The following DHRSX variants were observed in gnomAD, a reference collection of about 807,000 sequenced individuals.
DHRSX encodes polyprenol dehydrogenase.
Under a neutral mutation model 34.0 loss-of-function variants are expected in DHRSX, and 31 were observed. The observed-to-expected ratio is 0.91, with a 90% confidence interval of 0.69 to 1.23. The LOEUF (loss-of-function observed/expected upper bound fraction) is 1.23. DHRSX is among the 50% of genes most tolerant of loss of function. DHRSX has a pLI of 0.00. For synonymous variants in DHRSX, 201 were observed against 183.8 expected (o/e 1.09, Z -0.76); for missense variants, 414 against 428.1 (o/e 0.97, Z 0.29).
intron 3 of DHRSX, among the ~76,000 whole-genome samples, chrX:2,403,277 T>C (rs914224657): frequency 6.6e-6 from 1 of 152,160 alleles, no homozygotes; most frequent in African/African-American, 2.4e-5. Context: ...CTATCTAAAG[T>C]ATATTTTTGT....
At chrX:2,498,930 CCTT>C (rs1352803712) in intron 1 of DHRSX, among the ~76,000 whole-genome samples, 5 of 152,148 alleles carry the variant, frequency 3.3e-5, no homozygotes, top group African/African-American at 9.7e-5. Flanking sequence ...CCTTTACTCT[CCTT>C]CTTCTATGCA....
Position 2,243,215 on chromosome X carries a change from G to A in DHRSX, c.612C>T (p.Pro204=). ...DDLQSSACYS[P]HAAYAQSKLA... ...GCTTGCTCTGGGCGTAGGCTGCGTGGGGTGAGTAGCAGGCACTGTGGGGCA... is the reference window on the plus strand; with the variant it reads ...GCTTGCTCTGGGCGTAGGCTGCGTGAGGTGAGTAGCAGGCACTGTGGGGCA... Residue 204 remains proline, a synonymous_variant, in exon 6 of 7, where the codon CCC becomes CCT. Transcript: ENST00000334651. The A allele has an allele frequency of 2.5e-6, 4 of 1,613,746 alleles. No homozygotes were observed. The highest frequency in any genetic ancestry group is 3.4e-6 in the Non-Finnish European group (4 of 1,179,852).
intron 3 of DHRSX, among the ~76,000 whole-genome samples, chrX:2,292,578 T>C (rs912768010): frequency 7.0e-6 from 1 of 143,398 alleles, no homozygotes; most frequent in Non-Finnish European, 1.5e-5. Flanking sequence ...TAGAGGAATA[T>C]AGAATATAGA....
chrX:2,315,693 G>A (rs746390915), intron 3 of DHRSX, among the ~76,000 whole-genome samples: 24 of 152,236 alleles, frequency 1.6e-4, no homozygotes, highest in African/African-American at 5.1e-4. Flanking sequence ...AGTTCTGTAA[G>A]TCAGAAGATT....
intron 3 of DHRSX, among the ~76,000 whole-genome samples, chrX:2,347,878 G>T (rs1005156815): frequency 6.6e-6 from 1 of 152,178 alleles, no homozygotes; most frequent in Non-Finnish European, 1.5e-5. Context: ...CAGTTAGACT[G>T]TAGGCTCCCT....
rs145250507 is a variant in DHRSX at position 2,340,316 on chromosome X, G to A, written c.287-48713C>T. Among the ~76,000 whole-genome samples the A allele has an allele frequency of 3.4e-3, 520 of 152,048 alleles. 3 individuals are homozygous for A. The highest frequency in any genetic ancestry group is 3.6e-3 in the Non-Finnish European group (244 of 67,996). ...AACAAAAACTGCACGTCCTGCACAT[G>A]TACCCCAGAACTTAAAGTATAATAA... On this transcript the variant is annotated intron_variant, in intron 3 of 6. Coordinates refer to ENST00000334651, the MANE Select transcript of DHRSX (RefSeq NM_145177.3).
intron 3 of DHRSX, among the ~76,000 whole-genome samples, chrX:2,315,119 T>C (rs766294645): frequency 1.3e-5 from 2 of 150,560 alleles, no homozygotes; most frequent in South Asian, 2.1e-4. Flanking sequence ...GATCACGCCA[T>C]AGCACTCCAG....
intron 2 of DHRSX, among the ~76,000 whole-genome samples, chrX:2,413,519 CA>C (rs1257920525): frequency 6.6e-6 from 1 of 152,088 alleles, no homozygotes; most frequent in Non-Finnish European, 1.5e-5. Flanking sequence ...AAACATATAT[CA>C]AAACCACATT....
intron 1 of DHRSX, among the ~76,000 whole-genome samples, chrX:2,469,356 A>C (rs1209291290): frequency 9.0e-5 from 12 of 133,016 alleles, no homozygotes; most frequent in African/African-American, 3.1e-4. Context: ...CGTTCCCTAA[A>C]AATGCAGCCA....
rs1028361800 is a variant in DHRSX at position 2,401,181 on chromosome X, C to G, written c.286+7564G>C. ...CCGGAGTGCAGTGGCATGATCTCGG[C>G]TCACCGCAAACCTCCGCCTCCCGGG... On this transcript the variant is annotated intron_variant, in intron 3 of 6. Coordinates refer to ENST00000334651, the MANE Select transcript of DHRSX (RefSeq NM_145177.3). Among the ~76,000 whole-genome samples, 37 of 150,386 alleles carry G rather than the reference C, an allele frequency of 2.5e-4. 2 individuals carry two copies. The highest frequency in any genetic ancestry group is 2.1e-3 in the Admixed American group (31 of 15,042).
intron 3 of DHRSX, among the ~76,000 whole-genome samples, chrX:2,312,316 G>C (rs188943939): frequency 6.6e-6 from 1 of 152,216 alleles, no homozygotes; most frequent in Non-Finnish European, 1.5e-5. Context: ...AAGGAAATTA[G>C]AGTCAGGGAT....
chrX:2,237,337 C>A (rs1012905849), intron 6 of DHRSX, among the ~76,000 whole-genome samples: 1 of 151,996 alleles, frequency 6.6e-6, no homozygotes, highest in African/African-American at 2.4e-5. Context: ...ATGCTTAAGA[C>A]AAGCAATGAT....
intron 3 of DHRSX, among the ~76,000 whole-genome samples, chrX:2,319,883 C>A (rs1308276410): frequency 3.3e-5 from 5 of 152,020 alleles, no homozygotes; most frequent in African/African-American, 1.2e-4. Context: ...GGCTGGAGTG[C>A]GATGGCGTGA....
intron 3 of DHRSX, among the ~76,000 whole-genome samples, chrX:2,365,050 T>C (rs1033513779): frequency 6.6e-6 from 1 of 152,300 alleles, no homozygotes; most frequent in Non-Finnish European, 1.5e-5. Flanking sequence ...CATTTCCTCA[T>C]TTATGAAATT....
chrX:2,448,214 T>C lies in DHRSX; in HGVS notation c.110-22910A>G, dbSNP rs188322965. On this transcript the variant is annotated intron_variant, in intron 1 of 6. Coordinates refer to ENST00000334651, the MANE Select transcript of DHRSX (RefSeq NM_145177.3). ...TTAACCAGGTGTGGTGGTGTGCACCTGTAGTCCCAGCTACCTGGGAGGCTC... is the reference window on the plus strand; with the variant it reads ...TTAACCAGGTGTGGTGGTGTGCACCCGTAGTCCCAGCTACCTGGGAGGCTC... 4.2e-3 allele frequency among the ~76,000 whole-genome samples: 644 copies of C among 151,898 alleles called. 1 individual carries two copies. The highest frequency in any genetic ancestry group is 0.015 in the African/African-American group (617 of 41,400).
chrX:2,425,095 G>T (rs1329240506), intron 2 of DHRSX, 102 bp downstream of exon 2: 4 of 852,966 alleles, frequency 4.7e-6, no homozygotes, highest in Non-Finnish European at 7.6e-6. Flanking sequence ...AGCCAAGATT[G>T]CACCACTGCA....
chrX:2,224,601 GA>G (rs1260461141), intron 6 of DHRSX, among the ~76,000 whole-genome samples: 1 of 152,106 alleles, frequency 6.6e-6, no homozygotes, highest in Admixed American at 6.6e-5. Context: ...TTTTCTGTAA[GA>G]AAAACACACG....
intron 2 of DHRSX, among the ~76,000 whole-genome samples, chrX:2,420,667 C>A (rs1384233875): frequency 6.6e-6 from 1 of 151,454 alleles, no homozygotes; most frequent in Non-Finnish European, 1.5e-5. Flanking sequence ...CGCTTGAACC[C>A]GGGAGGCGGA....
chrX:2,390,011 C>A (rs1053882239), intron 3 of DHRSX, among the ~76,000 whole-genome samples: 9 of 152,018 alleles, frequency 5.9e-5, no homozygotes, highest in African/African-American at 2.2e-4. Context: ...GAACTCCCGA[C>A]CTCAAGTGAT....
Sources: allele counts gnomAD v4.1 joint callset (sites outside exome capture counted in the v4.1 genomes callset), GRCh38; gene constraint gnomAD v4.1.1; transcripts MANE v1.5; gene names NCBI Gene and HGNC (gene_info 2026-07-23, HGNC 2026-07-21).